Variants in RGS6 observed in about 807,000 individuals in gnomAD.
The protein encoded by RGS6 is regulator of G-protein signaling 6.
A neutral mutation model predicts 78.5 loss-of-function variants in RGS6; 30 were observed. The ratio of observed to expected loss-of-function variants is 0.38; its 90% CI spans 0.29 to 0.52. The LOEUF (loss-of-function observed/expected upper bound fraction) is 0.52. RGS6 is among the 20% of genes least tolerant of loss of function. The pLI, the probability that RGS6 is intolerant of heterozygous loss-of-function variation, is 0.85. For missense variants in RGS6, 495 were observed against 609.7 expected, an observed-to-expected ratio of 0.81 and a Z score of 1.98; for synonymous variants, 206 against 206.0, an observed-to-expected ratio of 1.00 and a Z score of 0.00.
intron 2 of RGS6, among the ~76,000 whole-genome samples, chr14:72,006,614 G>C (rs540714282): frequency 6.6e-6 from 1 of 152,212 alleles, no homozygotes; most frequent in Non-Finnish European, 1.5e-5. Flanking sequence ...GGTATTACAG[G>C]CCTGGCCATC....
chr14:72,052,572 G>A (rs559902883), intron 2 of RGS6, among the ~76,000 whole-genome samples: 6 of 152,136 alleles, frequency 3.9e-5, no homozygotes, highest in Admixed American at 3.3e-4. Flanking sequence ...ACCAGCAGTC[G>A]GAATCTTCCC....
the RGS6 span, among the ~76,000 whole-genome samples, chr14:71,921,354 C>G: frequency 2.0e-5 from 3 of 152,358 alleles, no homozygotes; most frequent in Non-Finnish European, 2.9e-5. Flanking sequence ...TATTACCCAG[C>G]ATTCCCACTA....
At chr14:72,223,388 T>C (rs2047345305) in intron 2 of RGS6, among the ~76,000 whole-genome samples, 1 of 152,254 alleles carries the variant, frequency 6.6e-6, no homozygotes, top group Admixed American at 6.5e-5. Flanking sequence ...ATCACATCTC[T>C]GATTGTCACC....
intron 2 of RGS6, among the ~76,000 whole-genome samples, chr14:72,220,834 C>T (rs1360191803): frequency 1.3e-5 from 2 of 152,102 alleles, no homozygotes; most frequent in Non-Finnish European, 2.9e-5. Context: ...GAATTACAGG[C>T]TGCATTGAAA....
chr14:72,310,000 C>T (rs982522970), intron 2 of RGS6, among the ~76,000 whole-genome samples: 2 of 152,236 alleles, frequency 1.3e-5, no homozygotes, highest in African/African-American at 4.8e-5. Context: ...AGGGTGCCAG[C>T]TGCCCATGTC....
intron 6 of RGS6, among the ~76,000 whole-genome samples, chr14:72,464,417 G>T (rs533936443): frequency 6.6e-6 from 1 of 152,214 alleles, no homozygotes; most frequent in South Asian, 2.1e-4. Context: ...ACAATTCGCC[G>T]GGTGGAAGCA....
intron 2 of RGS6, among the ~76,000 whole-genome samples, chr14:72,344,816 T>C (rs899731208): frequency 7.2e-5 from 11 of 152,186 alleles, no homozygotes; most frequent in African/African-American, 2.7e-4. Flanking sequence ...GGGAGTTAAA[T>C]GGTCATATTT....
intron 15 of RGS6, among the ~76,000 whole-genome samples, chr14:72,525,460 C>T (rs1731611921): frequency 6.6e-6 from 1 of 152,288 alleles, no homozygotes; most frequent in East Asian, 1.9e-4. Flanking sequence ...AGAATGAGGT[C>T]TGCGTGATAA....
chr14:72,324,626 A>G (rs1401048868), intron 2 of RGS6, among the ~76,000 whole-genome samples: 3 of 152,006 alleles, frequency 2.0e-5, no homozygotes, highest in Middle Eastern at 3.2e-3. Context: ...TGTCCTTGCG[A>G]TAGTTTGCTG....
intron 2 of RGS6, among the ~76,000 whole-genome samples, chr14:72,315,581 T>C (rs1431127117): frequency 1.3e-5 from 2 of 152,246 alleles, no homozygotes; most frequent in Non-Finnish European, 2.9e-5. Context: ...GAGTGTTTGA[T>C]ACTCCTAAGT....
chr14:72,615,024 C>T, the RGS6 span, among the ~76,000 whole-genome samples: 10 of 150,580 alleles, frequency 6.6e-5, no homozygotes, highest in Non-Finnish European at 1.2e-4. Flanking sequence ...CTGGGACTTG[C>T]GGCATCCTGT....
the RGS6 span, among the ~76,000 whole-genome samples, chr14:71,904,578 T>C: frequency 1.3e-5 from 2 of 152,266 alleles, no homozygotes; most frequent in Non-Finnish European, 2.9e-5. Context: ...TTTGGGCCTC[T>C]GAGTTCCATG....
intron 12 of RGS6, among the ~76,000 whole-genome samples, chr14:72,485,588 TTGA>T (rs1312835813): frequency 6.6e-6 from 1 of 152,244 alleles, no homozygotes; most frequent in Non-Finnish European, 1.5e-5. Context: ...AAGGGCTGCC[TTGA>T]TGAACTTGCC....
intron 2 of RGS6, among the ~76,000 whole-genome samples, chr14:72,154,554 T>C (rs1373434360): frequency 6.6e-6 from 1 of 152,062 alleles, no homozygotes; most frequent in South Asian, 2.1e-4. Flanking sequence ...TTAATCAGGG[T>C]AAGGGCAGTA....
intron 2 of RGS6, among the ~76,000 whole-genome samples, chr14:72,333,989 T>G (rs1232375399): frequency 6.6e-6 from 1 of 152,204 alleles, no homozygotes; most frequent in African/African-American, 2.4e-5. Flanking sequence ...CTCTCTCTCT[T>G]TGCTGCACGT....
the RGS6 span, among the ~76,000 whole-genome samples, chr14:72,588,153 G>A: frequency 1.1e-3 from 163 of 152,222 alleles, 1 homozygote; most frequent in African/African-American, 3.6e-3. Context: ...ATATTGGGAC[G>A]AGCTCTCATC....
chr14:72,210,173 C>T (rs1014083158), intron 2 of RGS6, among the ~76,000 whole-genome samples: 6 of 152,092 alleles, frequency 3.9e-5, no homozygotes, highest in African/African-American at 1.4e-4. Context: ...ACTTGGTTGG[C>T]CCGTGTGGGT....
chr14:72,601,518 T>A, the RGS6 span, among the ~76,000 whole-genome samples: 1 of 152,262 alleles, frequency 6.6e-6, no homozygotes, highest in African/African-American at 2.4e-5. Context: ...TCTGCTGTTC[T>A]ATTGCACAGG....
intron 2 of RGS6, among the ~76,000 whole-genome samples, chr14:72,127,712 T>G (rs1210009981): frequency 1.3e-5 from 2 of 152,184 alleles, no homozygotes; most frequent in African/African-American, 4.8e-5. Context: ...TCAATGGTAC[T>G]ATCTTGTAAA....
Sources: allele counts gnomAD v4.1 joint callset (sites outside exome capture counted in the v4.1 genomes callset), GRCh38; gene constraint gnomAD v4.1.1; transcripts MANE v1.5; gene names NCBI Gene and HGNC (gene_info 2026-07-23, HGNC 2026-07-21).